Variants in LRRC23 observed in about 807,000 individuals in gnomAD.
The protein encoded by LRRC23 is leucine-rich repeat-containing protein 23.
Under a neutral mutation model 37.7 loss-of-function variants are expected in LRRC23, and 28 were observed. The observed-to-expected ratio is 0.74, with a 90% CI of 0.55 to 1.02. The LOEUF is 1.02. Ranked by LOEUF, LRRC23 falls within the 50% of genes least tolerant of loss-of-function variation. LRRC23 has a pLI of 0.00. For synonymous variants in LRRC23, 161 were observed against 165.4 expected, an observed-to-expected ratio of 0.97 and a Z score of 0.20; for missense variants, 377 against 413.2, an observed-to-expected ratio of 0.91 and a Z score of 0.76.
At chr12:6,906,872 T>C in intron 4 of LRRC23, 1 of 588,202 alleles carries the variant, frequency 1.7e-6, no homozygotes, top group Non-Finnish European at 3.0e-6. Flanking sequence ...ATAGCTTATA[T>C]TCTAATTGGG....
At chr12:6,909,094 T>TAA (rs1945038829) in intron 5 of LRRC23, among the ~76,000 whole-genome samples, 2 of 46,374 alleles carry the variant, frequency 4.3e-5, no homozygotes, top group African/African-American at 4.4e-4. Flanking sequence ...TAATTATATA[T>TAA]TATATATAAT....
At chr12:6,912,369 T>C (rs1298908316) in intron 6 of LRRC23, among the ~76,000 whole-genome samples, 1 of 151,988 alleles carries the variant, frequency 6.6e-6, no homozygotes, top group Non-Finnish European at 1.5e-5. Flanking sequence ...CCAGGCTGGG[T>C]CCTACCTTCT....
In LRRC23 at chr12:6,912,925, T is replaced by G; in HGVS notation, c.954T>G (p.Ile318Met). ...EEEERAEADV[I>M]RQRLKEEKEQ... ...AGGAACGGGCTGAGGCTGATGTGAT[T>G]CGACAGAGGCTGAAGGAAGAAAAGG... The change falls in exon 7 of 8, where the codon ATT (isoleucine) becomes ATG (methionine). Residue 318 changes from isoleucine to methionine, a missense_variant. Physicochemically the swap from Ile to Met is conservative, Grantham distance 10. Transcript: ENST00000443597. The G allele has an allele frequency of 6.2e-7, 1 of 1,614,018 alleles. No individual in the cohort carries two copies. The highest frequency in any genetic ancestry group is 8.5e-7 in the Non-Finnish European group (1 of 1,180,004).
Position 6,912,967 on chromosome 12 carries a change from C to G in LRRC23, c.996C>G (p.Pro332=), listed in dbSNP as rs1204104258. ...AAGAAAAGGAGCAGGAGCCTGAGCC[C>G]CAGCGTGACCTGGAACCCGAACAGT... ...LKEEKEQEPE[P]QRDLEPEQSL... Residue 332 remains proline (P), a synonymous_variant, in exon 7 of 8, where the codon CCC becomes CCG. Coordinates refer to ENST00000443597, the MANE Select transcript of LRRC23 (RefSeq NM_001135217.2). The G allele has an allele frequency of 6.2e-7, 1 of 1,614,032 alleles. No individual in the cohort carries two copies. Among genetic ancestry groups the G allele is most frequent in the East Asian group, 2.2e-5 (1 of 44,880 alleles).
chr12:6,910,050 C>T (rs1442381580), intron 6 of LRRC23, 24 bp downstream of exon 6: 5 of 1,591,160 alleles, frequency 3.1e-6, no homozygotes, highest in African/African-American at 2.7e-5. Flanking sequence ...CCAAGCCCCA[C>T]CTTGCCCCTA....
chr12:6,905,037 G>A lies in LRRC23; in HGVS notation c.-88G>A, dbSNP rs1216539793. The stretch of plus-strand genomic sequence containing the variant: ...AACAGTCCTTCCCTCTCGGGACCAA[G>A]GGCCTCTCCAGAACTGCTTCTGATT... On this transcript the variant is annotated 5_prime_UTR_variant, in exon 1 of 8. Coordinates refer to ENST00000443597, the MANE Select transcript of LRRC23 (RefSeq NM_001135217.2). The A allele has an allele frequency of 6.5e-6, 1 of 154,076 alleles. No individual in the cohort carries two copies. Among genetic ancestry groups the A allele is most frequent in the Non-Finnish European group, 1.4e-5 (1 of 69,252 alleles). 9.5% of individuals were successfully genotyped at this position (154,076 alleles called of 1,614,324 possible).
At position 6,905,890 on chromosome 12, in the gene LRRC23, T is replaced by C; in HGVS notation, c.172T>C (p.Ser58Pro). 1 of 1,614,002 alleles carries C rather than the reference T, an allele frequency of 6.2e-7. No homozygotes were observed. The highest frequency in any genetic ancestry group is 8.5e-7 in the Non-Finnish European group (1 of 1,179,992). The change falls in exon 3 of 8, where the codon TCT becomes CCT. Residue 58 changes from serine (S) to proline (P), a missense_variant. Ser to Pro is a moderately conservative substitution (Grantham distance 74). This residue lies in a region of LRRC23 where 106 missense variants were observed against 105.9 expected (regional missense o/e 1.00). Transcript: ENST00000443597. ...LTEDMMKEGL[S>P]LLCKTGNGLA... ...GGAGGACATGATGAAGGAAGGGCTT[T>C]CTCTGCTCTGTAAGACAGGCAATGG...
chr12:6,913,555 G>GTTTTTTTTTTT lies in LRRC23; in HGVS notation c.*25-318_*25-308dup, dbSNP rs869177982. 3.3e-4 allele frequency among the ~76,000 whole-genome samples: 25 copies of GTTTTTTTTTTT among 76,382 alleles called. 2 individuals are homozygous for GTTTTTTTTTTT. The highest frequency in any genetic ancestry group is 8.1e-4 in the African/African-American group (15 of 18,464). The allele number at this position is 76,382 out of a possible 152,430, so 50.1% of individuals were successfully genotyped here. On this transcript the variant is annotated intron_variant, in intron 7 of 7. Coordinates refer to ENST00000443597, the MANE Select transcript of LRRC23 (RefSeq NM_001135217.2). Reference sequence around the variant, plus strand: ...GGAGAGGCTTTATTTACCTCTGTTTGTTTTTTTTTTTTTTTTTTTTTTTTT... The same window carrying GTTTTTTTTTTT: ...GGAGAGGCTTTATTTACCTCTGTTTGTTTTTTTTTTTTTTTTTTTTTTTTTTTTTTTTTTTT...
intron 5 of LRRC23, 47 bp downstream of exon 5, chr12:6,907,492 T>C: frequency 6.2e-7 from 1 of 1,605,630 alleles, no homozygotes; most frequent in Non-Finnish European, 8.5e-7. Flanking sequence ...GGCACTGTCC[T>C]GGGGGTCAGG....
In LRRC23 at chr12:6,905,952, G is replaced by A. The variant is rs1374726739; in HGVS notation, c.234G>A (p.Glu78=). The change falls in exon 3 of 8, where the codon GAG becomes GAA. Residue 78 remains glutamate, a splice_region_variant and synonymous_variant. Coordinates refer to ENST00000443597, the MANE Select transcript of LRRC23 (RefSeq NM_001135217.2). The part of the protein sequence containing the change: ...AHAYVKLEVK[E]RDLTDIYLLR... ...CTTATGTCAAGCTGGAGGTTAAAGAGAGGTGCGTTTTGGGGGGACCAGATG... is the reference window on the plus strand; with the variant it reads ...CTTATGTCAAGCTGGAGGTTAAAGAAAGGTGCGTTTTGGGGGGACCAGATG... 1.1e-5 allele frequency: 18 copies of A among 1,613,624 alleles called. No individual in the cohort carries two copies. The highest frequency in any genetic ancestry group is 1.5e-5 in the Non-Finnish European group (18 of 1,179,828).
intron 6 of LRRC23, among the ~76,000 whole-genome samples, chr12:6,911,411 G>C (rs782184768): frequency 2.4e-4 from 37 of 152,130 alleles, no homozygotes; most frequent in Non-Finnish European, 4.4e-5. Context: ...GGTGGGGTGT[G>C]TATCTGTGCC....
At chr12:6,907,735 C>T (rs782639919) in intron 5 of LRRC23, 44 of 580,108 alleles carry the variant, frequency 7.6e-5, no homozygotes, top group African/African-American at 1.5e-4. Context: ...TTAGGAAAAC[C>T]CTCCTCTCAG....
intron 4 of LRRC23, 32 bp from the exon 5 acceptor site, chr12:6,907,283 G>A: frequency 6.2e-7 from 1 of 1,611,220 alleles, no homozygotes; most frequent in Non-Finnish European, 8.5e-7. Flanking sequence ...ATTTGGAGTG[G>A]CCCTTTGAGC....
chr12:6,911,236 A>C lies in LRRC23; in HGVS notation c.758+1210A>C, dbSNP rs144702727. 8.1e-4 allele frequency among the ~76,000 whole-genome samples: 123 copies of C among 152,298 alleles called. 2 individuals are homozygous for C. Among genetic ancestry groups the C allele is most frequent in the African/African-American group, 2.8e-3 (116 of 41,556 alleles). On this transcript the variant is annotated intron_variant, in intron 6 of 7. Transcript: ENST00000443597. ...ACTTTATGTGTGTTTATTTCAGCAA[A>C]CATGTAAGGAAACTGCCTCTTTCCT...
Position 6,906,012 on chromosome 12 carries a change from C to G in LRRC23, c.236+58C>G. The G allele has an allele frequency of 7.9e-6, 11 of 1,398,460 alleles. No individual in the cohort carries two copies. The South Asian group carries it at 1.2e-4, about 15-fold the overall frequency. 86.6% of individuals were successfully genotyped at this position (1,398,460 alleles called of 1,614,324 possible). On this transcript the variant is annotated intron_variant, in intron 3 of 7. Coordinates refer to ENST00000443597, the MANE Select transcript of LRRC23 (RefSeq NM_001135217.2). ...AGACTGTAGGGCCCCTATCTCCTTT[C>G]CCACTGTCATTCCTGGGTGTTCTGG...
intron 6 of LRRC23, among the ~76,000 whole-genome samples, chr12:6,910,978 C>CT (rs1186955728): frequency 4.6e-5 from 7 of 152,058 alleles, no homozygotes; most frequent in Non-Finnish European, 7.4e-5. Context: ...GGCTCCAACT[C>CT]TTTTTTCCTC....
At chr12:6,905,516 G>C in intron 1 of LRRC23, 69 bp from the exon 2 acceptor site, 1 of 939,962 alleles carries the variant, frequency 1.1e-6, no homozygotes, top group Non-Finnish European at 1.7e-6. Context: ...GGGGTGATGG[G>C]AGTGGCACGT....
chr12:6,909,931 GAGCA>G lies in LRRC23; in HGVS notation c.665_668del (p.Ser222IlefsTer15). On this transcript the variant is annotated frameshift_variant, in exon 6 of 8. Coordinates refer to ENST00000443597, the MANE Select transcript of LRRC23 (RefSeq NM_001135217.2). LOFTEE classifies it high-confidence loss of function. ...AGAAGGTGGAAGGCTTGGAGGATCT[GAGCA>G]ATCTCACCACCTTGCATCTTCGAGA... The G allele has an allele frequency of 6.2e-7, 1 of 1,613,804 alleles. No homozygotes were observed. Among genetic ancestry groups the G allele is most frequent in the Non-Finnish European group, 8.5e-7 (1 of 1,179,900 alleles).
chr12:6,911,644 C>T (rs1310707659), intron 6 of LRRC23, among the ~76,000 whole-genome samples: 1 of 152,130 alleles, frequency 6.6e-6, no homozygotes, highest in Non-Finnish European at 1.5e-5. Context: ...CTGCATGAGG[C>T]TCAGCACGAC....
Sources: allele counts gnomAD v4.1 joint callset (sites outside exome capture counted in the v4.1 genomes callset), GRCh38; gene constraint gnomAD v4.1.1; regional missense constraint gnomAD v4.1.1; transcripts MANE v1.5; gene names NCBI Gene and HGNC (gene_info 2026-07-23, HGNC 2026-07-21).